IL16: variants seen among roughly 807,000 people sequenced by gnomAD.
The protein encoded by IL16 is pro-interleukin-16.
Under a neutral mutation model 110.1 loss-of-function variants are expected in IL16, and 67 were observed. The observed-to-expected ratio is 0.61, with a 90% confidence interval of 0.50 to 0.75. The LOEUF (loss-of-function observed/expected upper bound fraction) is 0.75. Ranked by LOEUF, IL16 falls within the 30% of genes least tolerant of loss-of-function variation. The probability of loss-of-function intolerance (pLI) is 0.00; values close to 1 mark genes in which losing one functional copy is unlikely to be tolerated. For missense variants in IL16, 1,545 were observed against 1,655.0 expected, an observed-to-expected ratio of 0.93 and a Z score of 1.15; for synonymous variants, 689 against 662.9, an observed-to-expected ratio of 1.04 and a Z score of -0.61.
chr15:81,206,419 C>T (rs1281403952), intron 1 of IL16, among the ~76,000 whole-genome samples: 1 of 152,148 alleles, frequency 6.6e-6, no homozygotes, highest in Non-Finnish European at 1.5e-5. Context: ...TATGGGACCA[C>T]TATCATATAA....
chr15:81,278,571 G>A (rs1393739521), intron 6 of IL16, among the ~76,000 whole-genome samples: 1 of 152,222 alleles, frequency 6.6e-6, no homozygotes, highest in Non-Finnish European at 1.5e-5. Context: ...ACCATATCCA[G>A]CCAGGACTTG....
At chr15:81,229,840 G>C (rs932857793) in intron 2 of IL16, among the ~76,000 whole-genome samples, 3 of 152,156 alleles carry the variant, frequency 2.0e-5, no homozygotes, top group African/African-American at 7.2e-5. Context: ...AACTCTGCAG[G>C]CTCCAGCAAT....
intron 1 of IL16, among the ~76,000 whole-genome samples, chr15:81,216,133 G>A (rs535947628): frequency 3.3e-5 from 5 of 152,220 alleles, no homozygotes; most frequent in African/African-American, 4.8e-5. Flanking sequence ...TCCCAGAGGG[G>A]AATAGAGAGT....
intron 6 of IL16, among the ~76,000 whole-genome samples, chr15:81,275,356 AGGAGGGGGGGGAGG>A (rs1184977477): frequency 0.052 from 1,000 of 19,256 alleles, 33 homozygotes; most frequent in Middle Eastern, 0.16. Context: ...TTGACGGGGG[AGGAGGGGGGGGAGG>A]GGAGGGGAGG....
intron 2 of IL16, among the ~76,000 whole-genome samples, chr15:81,237,304 T>C (rs368149740): frequency 4.6e-5 from 7 of 152,186 alleles, no homozygotes; most frequent in East Asian, 3.8e-4. Flanking sequence ...CATATTCCCA[T>C]TGAAGAATGG....
At chr15:81,254,271 C>T (rs569802507) in intron 2 of IL16, among the ~76,000 whole-genome samples, 1,635 of 144,180 alleles carry the variant, frequency 0.011, 21 homozygotes, top group African/African-American at 0.043. Flanking sequence ...ACACTCCTAA[C>T]AGAGCAATGG....
In IL16 at chr15:81,300,139, CG is replaced by C; in HGVS notation, c.2815del (p.Asp939ThrfsTer4). On this transcript the variant is annotated frameshift_variant, in exon 14 of 19. Transcript: ENST00000683961. LOFTEE classifies it high-confidence loss of function. ...QPNQKTLPPG[P>X]DPLLRLLSTQ... ...AATCAGAAAACTCTCCCCCCTGGCC[CG>C]GACCCGCTCCTAAGGCTGCTGTCAA... 1 of 1,610,036 alleles carries C rather than the reference CG, an allele frequency of 6.2e-7. No homozygotes were observed. The highest frequency in any genetic ancestry group is 2.2e-5 in the East Asian group (1 of 44,816).
intron 3 of IL16, among the ~76,000 whole-genome samples, 198 bp downstream of exon 3, chr15:81,260,078 G>C (rs999301879): frequency 2.0e-5 from 3 of 152,168 alleles, no homozygotes; most frequent in African/African-American, 7.2e-5. Flanking sequence ...GGCTCCAAGT[G>C]CCATGCTGGA....
chr15:81,239,339 C>T (rs1897274147), intron 2 of IL16, among the ~76,000 whole-genome samples: 1 of 152,136 alleles, frequency 6.6e-6, no homozygotes, highest in South Asian at 2.1e-4. Context: ...TGTTCAGAGC[C>T]CTTGCAGTGC....
At chr15:81,233,297 C>T (rs1452212322) in intron 2 of IL16, among the ~76,000 whole-genome samples, 1 of 152,082 alleles carries the variant, frequency 6.6e-6, no homozygotes. Context: ...GTAGCACAAC[C>T]AGCATATTGA....
chr15:81,294,795 C>T (rs996099819), intron 12 of IL16, among the ~76,000 whole-genome samples: 2 of 152,132 alleles, frequency 1.3e-5, no homozygotes, highest in African/African-American at 2.4e-5. Flanking sequence ...GATCATAGCA[C>T]GCAATAGAAA....
rs1895851027 is a variant in IL16, at chr15:81,202,398, G to A, written c.-102+5246G>A. Among the ~76,000 whole-genome samples, 4 of 152,154 alleles carry A rather than the reference G, an allele frequency of 2.6e-5. No individual in the cohort carries two copies. The South Asian group carries it at 8.3e-4, about 32-fold the overall frequency. On this transcript the variant is annotated intron_variant, in intron 1 of 18. Transcript: ENST00000683961. ...GAAGTGTTATCCAAAAATAGGGTTT[G>A]AAGAGTGATGAAAATTTAGCATCAT...
chr15:81,264,505 T>G lies in IL16; in HGVS notation c.422-1154T>G, dbSNP rs190174725. On this transcript the variant is annotated intron_variant, in intron 3 of 18. Coordinates refer to ENST00000683961, the MANE Select transcript of IL16 (RefSeq NM_172217.5). ...AAATAAGCTTAAGTCTTTCCCATCC[T>G]GAAAATAAAAGCAAACCCAACCCTG... Among the ~76,000 whole-genome samples, 72 of 152,324 alleles carry G rather than the reference T, an allele frequency of 4.7e-4. No individual in the cohort carries two copies. In the East Asian group the frequency reaches 0.014, roughly 29 times the overall value.
chr15:81,233,088 G>C (rs1897064339), intron 2 of IL16, among the ~76,000 whole-genome samples: 1 of 152,114 alleles, frequency 6.6e-6, no homozygotes, highest in Non-Finnish European at 1.5e-5. Context: ...GTTTTGGTAA[G>C]ATGCATTTTT....
chr15:81,298,131 A>G (rs1488252374), intron 13 of IL16, among the ~76,000 whole-genome samples: 2 of 152,214 alleles, frequency 1.3e-5, no homozygotes, highest in Non-Finnish European at 2.9e-5. Flanking sequence ...GATTCTCACA[A>G]CAGCACCTTA....
At chr15:81,193,714 TG>T (rs1481637606), upstream of IL16, among the ~76,000 whole-genome samples, 1 of 152,112 alleles carries the variant, frequency 6.6e-6, no homozygotes, top group Non-Finnish European at 1.5e-5. Context: ...AAGGGACCAA[TG>T]GCTTCTGACT....
intron 1 of IL16, among the ~76,000 whole-genome samples, chr15:81,224,299 A>C (rs1449390071): frequency 6.6e-6 from 1 of 152,218 alleles, no homozygotes; most frequent in East Asian, 1.9e-4. Flanking sequence ...AGCATCCCAC[A>C]ATTTGTTGTT....
chr15:81,239,616 T>C (rs1456943703), intron 2 of IL16, among the ~76,000 whole-genome samples: 3 of 152,210 alleles, frequency 2.0e-5, no homozygotes, highest in African/African-American at 7.2e-5. Context: ...AGAGTGGGGC[T>C]GAGTTAACCT....
In IL16 at chr15:81,247,076, C is replaced by CTTTTTTTTTTTTTTTTTTTT. The variant is rs57484982; in HGVS notation, c.313-12695_313-12676dup. Among the ~76,000 whole-genome samples, 6 of 92,634 alleles carry CTTTTTTTTTTTTTTTTTTTT rather than the reference C, an allele frequency of 6.5e-5. 1 individual carries two copies. Among genetic ancestry groups the CTTTTTTTTTTTTTTTTTTTT allele is most frequent in the South Asian group, 3.2e-4 (1 of 3,164 alleles). The allele number at this position is 92,634 out of a possible 152,430, so 60.8% of individuals were successfully genotyped here. On this transcript the variant is annotated intron_variant, in intron 2 of 18. Coordinates refer to ENST00000683961, the MANE Select transcript of IL16 (RefSeq NM_172217.5). ...TTTGTGTTTTCTTTCTTTTCTTTTC[C>CTTTTTTTTTTTTTTTTTTTT]TTTTTTTTTTTTTTTTTTTTGATCT...
Sources: gnomAD v4.1 joint callset for allele counts (sites outside exome capture counted in the v4.1 genomes callset) on GRCh38, gnomAD v4.1.1 for gene constraint, MANE v1.5 for transcripts, NCBI Gene and HGNC (gene_info 2026-07-23, HGNC 2026-07-21) for gene names.